The following CFAP47 variants were observed in gnomAD, a reference collection of about 807,000 sequenced individuals.
CFAP47 encodes cilia- and flagella-associated protein 47.
A neutral mutation model predicts 148.1 loss-of-function variants in CFAP47; 29 were observed. The observed-to-expected ratio is 0.20, with a 90% CI of 0.15 to 0.27. The LOEUF (loss-of-function observed/expected upper bound fraction) is 0.27. Ranked by LOEUF, CFAP47 falls within the 10% of genes least tolerant of loss-of-function variation. CFAP47 has a pLI of 1.00. For synonymous variants in CFAP47, 664 were observed against 577.3 expected (o/e 1.15, Z -2.15); for missense variants, 1,872 against 1,697.5 (o/e 1.10, Z -1.81).
In CFAP47 at chrX:36,337,191, C is replaced by T. The variant is rs782593353; in HGVS notation, c.8444-10938C>T. Among the ~76,000 whole-genome samples the T allele has an allele frequency of 1.9e-4, 21 of 112,219 alleles. No homozygotes were observed. In the South Asian group the frequency reaches 7.7e-3, roughly 41 times the overall value. ...TGCCCTTCAAAAAAATCTCCATAAC[C>T]TGAAATGTAGACCTATTTATACCAC... is the stretch of plus-strand genomic sequence containing the variant. On this transcript the variant is annotated intron_variant, in intron 57 of 63. Coordinates refer to ENST00000378653, the MANE Select transcript of CFAP47 (RefSeq NM_001304548.2).
chrX:36,151,398 T>A (rs1232876578), intron 37 of CFAP47, among the ~76,000 whole-genome samples: 1 of 111,996 alleles, frequency 8.9e-6, no homozygotes, highest in East Asian at 2.8e-4. Context: ...ACATACTTAA[T>A]ATTTATTCAA....
At chrX:36,276,351 A>T (rs1314725988) in intron 49 of CFAP47, among the ~76,000 whole-genome samples, 1 of 111,784 alleles carries the variant, frequency 8.9e-6, no homozygotes, top group Admixed American at 9.5e-5. Flanking sequence ...CAGGGCTGTC[A>T]CTCAACATTT....
intron 25 of CFAP47, among the ~76,000 whole-genome samples, chrX:36,041,095 G>C (rs746240076): frequency 6.3e-5 from 7 of 111,190 alleles, no homozygotes; most frequent in Non-Finnish European, 1.3e-4. Context: ...TAGCCTCTTA[G>C]ACTAACTTAT....
At chrX:36,046,146 T>C (rs1056332464) in intron 25 of CFAP47, among the ~76,000 whole-genome samples, 10 of 110,959 alleles carry the variant, frequency 9.0e-5, no homozygotes, top group Non-Finnish European at 1.5e-4. Flanking sequence ...ATAATTTCCA[T>C]TTGATGATAC....
chrX:36,068,297 A>T (rs771503402), intron 27 of CFAP47, among the ~76,000 whole-genome samples: 1 of 112,050 alleles, frequency 8.9e-6, no homozygotes, highest in East Asian at 2.8e-4. Context: ...AGCCCTTACT[A>T]CATTTTGACT....
At chrX:36,170,233 C>G (rs1341386719) in intron 39 of CFAP47, among the ~76,000 whole-genome samples, 1 of 111,684 alleles carries the variant, frequency 9.0e-6, no homozygotes, top group Admixed American at 9.5e-5. Context: ...TTTCACAACC[C>G]TTACCTGTGG....
chrX:36,211,218 A>G (rs1433165192), intron 45 of CFAP47: 3 of 238,311 alleles, frequency 1.3e-5, no homozygotes, highest in Non-Finnish European at 1.6e-5. Flanking sequence ...TAGATGCTTC[A>G]GTCAGTTTCT....
chrX:35,956,432 A>G (rs1195153538), intron 8 of CFAP47, among the ~76,000 whole-genome samples: 3 of 112,202 alleles, frequency 2.7e-5, no homozygotes, highest in Non-Finnish European at 5.6e-5. Context: ...AAGAAATGCA[A>G]AACATAGTTA....
intron 21 of CFAP47, among the ~76,000 whole-genome samples, chrX:36,003,769 G>A (rs190352041): frequency 9.2e-6 from 1 of 108,174 alleles, no homozygotes; most frequent in African/African-American, 3.4e-5. Flanking sequence ...ATAAGTCCTG[G>A]CCAGAGCAAT....
rs1225282012 is a variant in CFAP47, at chrX:36,126,493, T to C, written c.5321-11465T>C. Among the ~76,000 whole-genome samples the C allele has an allele frequency of 1.8e-4, 20 of 112,027 alleles. No homozygotes were observed. In the Admixed American group the frequency reaches 1.9e-3, roughly 11 times the overall value. ...TGCCACATTTTCTTTATCCAGTCTA[T>C]TATTGATGGACATTTGGGTTGGTTC... On this transcript the variant is annotated intron_variant, in intron 33 of 63. Coordinates refer to ENST00000378653, the MANE Select transcript of CFAP47 (RefSeq NM_001304548.2).
intron 57 of CFAP47, among the ~76,000 whole-genome samples, chrX:36,322,861 A>C (rs1408203381): frequency 9.0e-6 from 1 of 110,906 alleles, no homozygotes; most frequent in African/African-American, 3.3e-5. Flanking sequence ...ATTTTATAGA[A>C]ACTTTTTGTT....
At chrX:35,984,675 A>C (rs1010369079) in intron 15 of CFAP47, among the ~76,000 whole-genome samples, 1 of 111,840 alleles carries the variant, frequency 8.9e-6, no homozygotes, top group Non-Finnish European at 1.9e-5. Flanking sequence ...AGTTATAAAG[A>C]AATTTTTGAT....
chrX:35,991,249 G>T (rs931713722), intron 16 of CFAP47, among the ~76,000 whole-genome samples: 2 of 110,817 alleles, frequency 1.8e-5, no homozygotes, highest in African/African-American at 3.3e-5. Context: ...TGTATTTAAA[G>T]ATGGATAACA....
chrX:36,383,059 G>A (rs1942092820), intron 63 of CFAP47, among the ~76,000 whole-genome samples: 1 of 110,616 alleles, frequency 9.0e-6, no homozygotes, highest in Non-Finnish European at 1.9e-5. Flanking sequence ...CATAAAATAA[G>A]GCTATTAATG....
At chrX:36,221,218 T>A (rs1555990750) in intron 45 of CFAP47, among the ~76,000 whole-genome samples, 1 of 111,525 alleles carries the variant, frequency 9.0e-6, no homozygotes, top group Non-Finnish European at 1.9e-5. Flanking sequence ...AATTCGGGTG[T>A]TACCAAAACA....
At chrX:35,968,168 G>A (rs1936437321) in intron 10 of CFAP47, among the ~76,000 whole-genome samples, 1 of 110,710 alleles carries the variant, frequency 9.0e-6, no homozygotes, top group South Asian at 3.8e-4. Context: ...GGTCCTCAGA[G>A]TAGTAATGTT....
intron 39 of CFAP47, among the ~76,000 whole-genome samples, chrX:36,173,172 T>C (rs1939610843): frequency 8.9e-6 from 1 of 111,944 alleles, no homozygotes; most frequent in East Asian, 2.8e-4. Context: ...TTATTGTGTC[T>C]ATTTGATTCT....
chrX:36,279,124 A>T (rs1556003145), intron 49 of CFAP47, among the ~76,000 whole-genome samples: 2 of 112,161 alleles, frequency 1.8e-5, no homozygotes. Context: ...TGTGACCAAC[A>T]GTATCTTACT....
chrX:35,985,542 C>T (rs1936702794), intron 15 of CFAP47, among the ~76,000 whole-genome samples: 1 of 110,823 alleles, frequency 9.0e-6, no homozygotes, highest in Non-Finnish European at 1.9e-5. Flanking sequence ...AGCTGGTCTG[C>T]TATAGTTCCT....
Sources: allele counts gnomAD v4.1 joint callset (sites outside exome capture counted in the v4.1 genomes callset), GRCh38; gene constraint gnomAD v4.1.1; transcripts MANE v1.5; gene names NCBI Gene and HGNC (gene_info 2026-07-23, HGNC 2026-07-21).